CUX1: variants seen among roughly 807,000 people sequenced by gnomAD.
CUX1 encodes cut like homeobox 1.
In CUX1, 31 loss-of-function variants were observed where a neutral mutation model predicts 158.8. That is an observed-to-expected ratio of 0.20 (90% CI 0.15 to 0.26). CUX1 has a LOEUF of 0.26. CUX1 is among the 10% of genes least tolerant of loss of function. CUX1 has a pLI of 1.00. For missense variants in CUX1, 1,589 were observed against 2,014.6 expected (o/e 0.79, Z 4.04); for synonymous variants, 879 against 862.1 (o/e 1.02, Z -0.34).
At chr7:102,067,229 CTTTTT>C (rs34912215) in intron 3 of CUX1, among the ~76,000 whole-genome samples, 1 of 94,018 alleles carries the variant, frequency 1.1e-5, no homozygotes, top group East Asian at 3.4e-4. Flanking sequence ...TTTCATGTAA[CTTTTT>C]TTTTTTTTTT....
chr7:102,020,002 T>G (rs1819159033), intron 2 of CUX1, among the ~76,000 whole-genome samples: 1 of 152,206 alleles, frequency 6.6e-6, no homozygotes, highest in Non-Finnish European at 1.5e-5. Flanking sequence ...AAAAGACTAT[T>G]CATTTATTTC....
chr7:101,874,866 T>G (rs542336931), intron 1 of CUX1, among the ~76,000 whole-genome samples: 2 of 152,340 alleles, frequency 1.3e-5, no homozygotes, highest in East Asian at 1.9e-4. Flanking sequence ...GAGTCCAGTT[T>G]CAGAGCGTTT....
At chr7:102,241,011 G>T (rs1554534778) in intron 23 of CUX1, among the ~76,000 whole-genome samples, 1 of 152,070 alleles carries the variant, frequency 6.6e-6, no homozygotes, top group East Asian at 1.9e-4. Context: ...AGTAGAGACG[G>T]GTTTCATCAT....
At position 102,195,574 on chromosome 7, in the gene CUX1, C is replaced by T. The variant is rs374021528; in HGVS notation, c.1193C>T (p.Ala398Val). The change falls in exon 14 of 24, where the codon GCG becomes GTG. Residue 398 changes from alanine (A) to valine (V), a missense_variant. This residue lies in a region of CUX1 where 515 missense variants were observed against 574.4 expected (regional missense o/e 0.90). Coordinates refer to ENST00000292535, the MANE Select transcript of CUX1 (RefSeq NM_181552.4). ...CGCTCGCTGCAGTCCGAGAACGCCG[C>T]GCTGCGCATCTCCAACAGCGACCTG... ...KNRSLQSENA[A>V]LRISNSDLSG... is the part of the protein sequence containing the mutation. 11 of 1,611,710 alleles carry T rather than the reference C, an allele frequency of 6.8e-6. No homozygotes were observed. The South Asian group carries it at 7.7e-5, about 11-fold the overall frequency.
chr7:101,886,075 C>T (rs1233145577), intron 1 of CUX1, among the ~76,000 whole-genome samples: 1 of 152,192 alleles, frequency 6.6e-6, no homozygotes, highest in East Asian at 1.9e-4. Flanking sequence ...AGGTGAGGCA[C>T]TTCTCTGGCC....
At chr7:102,169,351 G>A (rs1791468669) in intron 9 of CUX1, among the ~76,000 whole-genome samples, 1 of 152,152 alleles carries the variant, frequency 6.6e-6, no homozygotes, top group Admixed American at 6.5e-5. Flanking sequence ...TTACAGGTGT[G>A]AGCCACCATG....
intron 2 of CUX1, among the ~76,000 whole-genome samples, chr7:101,963,982 T>C (rs1400461547): frequency 6.6e-6 from 1 of 151,616 alleles, no homozygotes; most frequent in African/African-American, 2.4e-5. Flanking sequence ...CCTTTACCTA[T>C]GTAATTTCAC....
intron 20 of CUX1, among the ~76,000 whole-genome samples, chr7:102,222,563 A>C (rs1297530470): frequency 6.6e-6 from 1 of 151,900 alleles, no homozygotes; most frequent in Non-Finnish European, 1.5e-5. Flanking sequence ...CCTGGTATGA[A>C]ATGTGTTTTG....
At chr7:102,013,944 A>G (rs1167640316) in intron 2 of CUX1, among the ~76,000 whole-genome samples, 1 of 152,110 alleles carries the variant, frequency 6.6e-6, no homozygotes, top group Admixed American at 6.6e-5. Context: ...GGCTCAAGCA[A>G]TCCTCCCACC....
intron 21 of CUX1, 147 bp from the exon 22 acceptor site, chr7:102,233,905 C>T (rs1179896684): frequency 2.1e-6 from 1 of 483,978 alleles, no homozygotes; most frequent in Admixed American, 4.2e-5. Flanking sequence ...TATATTTCTA[C>T]CACATGTTTG....
chr7:101,845,500 A>G lies in CUX1; in HGVS notation c.30+27831A>G, dbSNP rs115178708. Among the ~76,000 whole-genome samples the G allele has an allele frequency of 4.3e-3, 657 of 152,152 alleles. 2 individuals carry two copies. Among genetic ancestry groups the G allele is most frequent in the African/African-American group, 0.015 (623 of 41,518 alleles). On this transcript the variant is annotated intron_variant, in intron 1 of 23. Transcript: ENST00000292535. ...TATAGCTCCAGTTGAATTACCTCCTACTGAGACCCACTGGCCTTAGCCTGT... is the reference window on the plus strand; with the variant it reads ...TATAGCTCCAGTTGAATTACCTCCTGCTGAGACCCACTGGCCTTAGCCTGT...
At position 102,201,025 on chromosome 7, in the gene CUX1, T is replaced by TAAAAAA. The variant is rs78359248; in HGVS notation, c.2063-311_2063-306dup. On this transcript the variant is annotated intron_variant, in intron 17 of 23. Transcript: ENST00000292535. This position sits in a 1 kb window ranked among gnomAD's most constrained non-coding sequence, Gnocchi z 5.0. ...CTGGACAACAGCGAGATCCTGTCGC[T>TAAAAAA]AAAAAAAAAAAAAAAAAAAAAAAAA... is the stretch of plus-strand genomic sequence containing the variant. Among the ~76,000 whole-genome samples the TAAAAAA allele has an allele frequency of 0.01, 422 of 42,116 alleles. 14 individuals carry two copies. The highest frequency in any genetic ancestry group is 0.015 in the Middle Eastern group (1 of 66). 27.6% of individuals were successfully genotyped at this position (42,116 alleles called of 152,430 possible). A position where few individuals can be genotyped will look rare whatever the true frequency, so the allele number is the denominator to read the frequency against.
intron 17 of CUX1, among the ~76,000 whole-genome samples, chr7:102,276,691 A>C (rs1280180069): frequency 6.6e-6 from 1 of 152,220 alleles, no homozygotes; most frequent in Non-Finnish European, 1.5e-5. Context: ...TTGCCTTTAG[A>C]TTGGCAAATA....
chr7:102,090,366 C>T (rs551278303), intron 4 of CUX1, among the ~76,000 whole-genome samples: 3 of 150,428 alleles, frequency 2.0e-5, no homozygotes, highest in East Asian at 2.0e-4. Flanking sequence ...TCCATGATAC[C>T]GTTTTTTTTT....
intron 6 of CUX1, among the ~76,000 whole-genome samples, chr7:102,109,610 C>T (rs1554489504): frequency 6.6e-6 from 1 of 151,758 alleles, no homozygotes; most frequent in African/African-American, 2.4e-5. Context: ...ATGGTGAAAC[C>T]CCATCTCTAC....
At chr7:101,962,203 A>C (rs1005102836) in intron 2 of CUX1, among the ~76,000 whole-genome samples, 3 of 152,218 alleles carry the variant, frequency 2.0e-5, no homozygotes, top group African/African-American at 7.2e-5. Flanking sequence ...AAGAGCTGAA[A>C]ACACAAATGT....
intron 1 of CUX1, among the ~76,000 whole-genome samples, chr7:101,821,630 G>A (rs1286882573): frequency 6.8e-6 from 1 of 146,184 alleles, no homozygotes; most frequent in Non-Finnish European, 1.5e-5. Flanking sequence ...GAGCCACCGT[G>A]CCCGGCCCCT....
At chr7:102,203,440 G>A (rs1046222851) in intron 18 of CUX1, among the ~76,000 whole-genome samples, 3 of 152,026 alleles carry the variant, frequency 2.0e-5, no homozygotes, top group Non-Finnish European at 2.9e-5. Flanking sequence ...TGTGAATCCC[G>A]GTGGTGTCCG....
intron 2 of CUX1, among the ~76,000 whole-genome samples, chr7:101,964,265 A>C (rs918651809): frequency 4.6e-5 from 7 of 152,040 alleles, no homozygotes; most frequent in African/African-American, 1.7e-4. Flanking sequence ...AGGCAGGAGA[A>C]TTGCTTGAAC....
Sources: allele counts gnomAD v4.1 joint callset (sites outside exome capture counted in the v4.1 genomes callset), GRCh38; gene constraint gnomAD v4.1.1; regional missense constraint gnomAD v4.1.1; non-coding constraint Gnocchi (gnomAD v3.1); transcripts MANE v1.5; gene names NCBI Gene and HGNC (gene_info 2026-07-23, HGNC 2026-07-21).